C1orf105: variants seen among roughly 807,000 people sequenced by gnomAD.
C1orf105 encodes the protein uncharacterized protein C1orf105.
C1orf105 carries 17 observed loss-of-function variants against 20.8 expected under a neutral mutation model. The ratio of observed to expected loss-of-function variants is 0.82; its 90% CI spans 0.56 to 1.23. The LOEUF (loss-of-function observed/expected upper bound fraction) is 1.23, where lower values mean the gene tolerates loss of function less well. Among genes scored for constraint, C1orf105 ranks in the 50% most tolerant of loss-of-function variants. The probability of loss-of-function intolerance (pLI) is 0.00; values close to 1 mark genes in which losing one functional copy is unlikely to be tolerated. For synonymous variants in C1orf105, 72 were observed against 72.1 expected (o/e 1.00, Z 0.01); for missense variants, 219 against 213.5 (o/e 1.03, Z -0.16).
intron 1 of C1orf105, chr1:172,441,349 CT>C (rs1558131197): frequency 3.1e-5 from 4 of 128,338 alleles, no homozygotes; most frequent in Non-Finnish European, 5.9e-5. Context: ...AAAGAAGTGA[CT>C]TTACACACAC....
rs1486275877 is a variant in C1orf105 at position 172,420,911 on chromosome 1, G to A, written c.21+5G>A. ...ATGGAAAAAAGAGAACTAAAGGTAG[G>A]AAAAAAATAAATGAAACTTCCAATT... On this transcript the variant is annotated splice_donor_5th_base_variant and intron_variant, in intron 1 of 6. Coordinates refer to ENST00000367727, the MANE Select transcript of C1orf105 (RefSeq NM_139240.4). 1 of 1,607,056 alleles carries A rather than the reference G, an allele frequency of 6.2e-7. No homozygotes were observed. Among genetic ancestry groups the A allele is most frequent in the Admixed American group, 1.7e-5 (1 of 59,724 alleles).
At chr1:172,429,715 C>T (rs1307461733) in intron 1 of C1orf105, among the ~76,000 whole-genome samples, 1 of 152,228 alleles carries the variant, frequency 6.6e-6, no homozygotes, top group African/African-American at 2.4e-5. Context: ...CAAAAGTTTA[C>T]TGACACCAAT....
Position 172,468,555 on chromosome 1 carries a change from G to C in C1orf105, c.513G>C (p.Leu171Phe). 6.2e-7 allele frequency: 1 copy of C among 1,613,870 alleles called. No homozygotes were observed. Among genetic ancestry groups the C allele is most frequent in the Non-Finnish European group, 8.5e-7 (1 of 1,179,854 alleles). Reference sequence around the variant, plus strand: ...TAAAAGAGAGACAACGTTCTTCCTTGCCCAGAAAGGAACCAATAGGCAAGA... The same window carrying C: ...TAAAAGAGAGACAACGTTCTTCCTTCCCCAGAAAGGAACCAATAGGCAAGA... ...KTLKERQRSS[L>F]PRKEPIGKTT... The change falls in exon 7 of 7, where the codon TTG becomes TTC. Residue 171 changes from leucine to phenylalanine, a missense_variant. By Grantham distance (22) the Leu-to-Phe change is conservative. Coordinates refer to ENST00000367727, the MANE Select transcript of C1orf105 (RefSeq NM_139240.4).
In C1orf105 at chr1:172,468,490, G is replaced by T; in HGVS notation, c.448G>T (p.Ala150Ser). 6.2e-7 allele frequency: 1 copy of T among 1,613,892 alleles called. No homozygotes were observed. Among genetic ancestry groups the T allele is most frequent in the Non-Finnish European group, 8.5e-7 (1 of 1,179,826 alleles). The part of the protein sequence containing the change: ...YRLPILGPRT[A>S]VFHGLLTEAY... ...ACTGCCCATTCTGGGCCCCAGGACAGCTGTCTTCCACGGATTACTGACAGA... is the reference window on the plus strand; with the variant it reads ...ACTGCCCATTCTGGGCCCCAGGACATCTGTCTTCCACGGATTACTGACAGA... Residue 150 changes from alanine (A) to serine (S), a missense_variant, in exon 7 of 7, where the codon GCT becomes TCT. Coordinates refer to ENST00000367727, the MANE Select transcript of C1orf105 (RefSeq NM_139240.4).
chr1:172,421,519 A>C (rs1001334705), intron 1 of C1orf105, among the ~76,000 whole-genome samples: 1 of 152,208 alleles, frequency 6.6e-6, no homozygotes, highest in Non-Finnish European at 1.5e-5. Context: ...TTGTAAGTCA[A>C]AAATGCATGC....
intron 3 of C1orf105, chr1:172,453,103 C>A (rs760058084): frequency 1.3e-6 from 2 of 1,550,892 alleles, no homozygotes; most frequent in African/African-American, 2.7e-5. Flanking sequence ...CTGCCTTCCA[C>A]GACTCTTCAA....
rs371879453 is a variant in C1orf105, at chr1:172,468,571, A to G, written c.529A>G (p.Ile177Val). 2.0e-5 allele frequency: 32 copies of G among 1,613,756 alleles called. No individual in the cohort carries two copies. In the South Asian group the frequency reaches 3.2e-4, roughly 16 times the overall value. Reference sequence around the variant, plus strand: ...TTCTTCCTTGCCCAGAAAGGAACCAATAGGCAAGACAACGAGGCAGTGAGC... The same window carrying G: ...TTCTTCCTTGCCCAGAAAGGAACCAGTAGGCAAGACAACGAGGCAGTGAGC... ...QRSSLPRKEP[I>V]GKTTRQ The change falls in exon 7 of 7, where the codon ATA (isoleucine) becomes GTA (valine). Residue 177 changes from isoleucine (I) to valine (V), a missense_variant. Ile to Val is a conservative substitution (Grantham distance 29). Coordinates refer to ENST00000367727, the MANE Select transcript of C1orf105 (RefSeq NM_139240.4).
Position 172,456,505 on chromosome 1 carries a change from G to A in C1orf105, c.273+16G>A, listed in dbSNP as rs553763096. On this transcript the variant is annotated intron_variant, in intron 4 of 6. Coordinates refer to ENST00000367727, the MANE Select transcript of C1orf105 (RefSeq NM_139240.4). ...AATGAAAATGGTAGGCAAGGGGGAA[G>A]ACAGAAATGGGCACAGGCATCTCAG... 1.9e-6 allele frequency: 3 copies of A among 1,610,312 alleles called. No individual in the cohort carries two copies. Among genetic ancestry groups the A allele is most frequent in the Non-Finnish European group, 2.5e-6 (3 of 1,178,230 alleles).
chr1:172,468,661 A>G lies in C1orf105; in HGVS notation c.*67A>G, dbSNP rs1231101744. The G allele has an allele frequency of 3.3e-6, 5 of 1,492,942 alleles. No individual in the cohort carries two copies. The East Asian group carries it at 1.1e-4, about 34-fold the overall frequency. 92.5% of individuals were successfully genotyped at this position (1,492,942 alleles called of 1,614,324 possible). ...TAACCTCGCCAAGCCAATCTTTGAC[A>G]CTGGCACCTTCTCCTCACAATTTTC... On this transcript the variant is annotated 3_prime_UTR_variant, in exon 7 of 7. Coordinates refer to ENST00000367727, the MANE Select transcript of C1orf105 (RefSeq NM_139240.4).
chr1:172,425,637 GC>G (rs1277820333), intron 1 of C1orf105, among the ~76,000 whole-genome samples: 1 of 152,032 alleles, frequency 6.6e-6, no homozygotes, highest in Admixed American at 6.6e-5. Context: ...TGATCACTTT[GC>G]CCAAAATCAA....
At chr1:172,423,999 G>GCTA in intron 1 of C1orf105, among the ~76,000 whole-genome samples, 1 of 152,290 alleles carries the variant, frequency 6.6e-6, no homozygotes, top group African/African-American at 2.4e-5. Context: ...TGTTTTTGAT[G>GCTA]CTACAAGTTA....
intron 1 of C1orf105, among the ~76,000 whole-genome samples, chr1:172,424,094 C>T (rs2071660913): frequency 2.0e-5 from 3 of 152,188 alleles, no homozygotes; most frequent in Non-Finnish European, 4.4e-5. Context: ...ACTCCTACTC[C>T]CATCCTCGGT....
chr1:172,437,364 T>C (rs2072070807), intron 1 of C1orf105, among the ~76,000 whole-genome samples: 1 of 152,010 alleles, frequency 6.6e-6, no homozygotes, highest in Admixed American at 6.6e-5. Flanking sequence ...GACTGGATTA[T>C]GAAAATGTGG....
intron 1 of C1orf105, among the ~76,000 whole-genome samples, chr1:172,430,849 A>G (rs2071853016): frequency 7.1e-6 from 1 of 140,052 alleles, no homozygotes. Context: ...CCTGTGTCAC[A>G]TTTTGGTAAT....
chr1:172,452,356 G>C (rs1648747110), intron 3 of C1orf105, among the ~76,000 whole-genome samples: 1 of 152,180 alleles, frequency 6.6e-6, no homozygotes, highest in Non-Finnish European at 1.5e-5. Flanking sequence ...GTCTCTCTCA[G>C]TTAAGTTACA....
intron 1 of C1orf105, among the ~76,000 whole-genome samples, chr1:172,429,087 T>C (rs768954803): frequency 2.6e-4 from 39 of 152,242 alleles, no homozygotes; most frequent in Non-Finnish European, 5.1e-4. Flanking sequence ...ACAGGCTTTG[T>C]GTAAGAAAAG....
intron 6 of C1orf105, among the ~76,000 whole-genome samples, chr1:172,468,052 T>C (rs1005327436): frequency 2.6e-5 from 4 of 152,196 alleles, no homozygotes; most frequent in Non-Finnish European, 4.4e-5. Context: ...TATGTGTCCC[T>C]GAAAAGTCTC....
At chr1:172,424,123 T>C (rs2071661623) in intron 1 of C1orf105, among the ~76,000 whole-genome samples, 1 of 152,208 alleles carries the variant, frequency 6.6e-6, no homozygotes, top group Non-Finnish European at 1.5e-5. Flanking sequence ...AAATCAAGTT[T>C]TATCATACAT....
chr1:172,445,961 CT>C lies in C1orf105; in HGVS notation c.107+804del, dbSNP rs202003796. ...GACTCCCCAAAAAGAGTTTCTCCTC[CT>C]GTTGATAACTACCATGTACCCTCCT... On this transcript the variant is annotated intron_variant, in intron 2 of 6. Transcript: ENST00000367727. Among the ~76,000 whole-genome samples the C allele has an allele frequency of 5.4e-3, 828 of 152,296 alleles. 5 individuals are homozygous for C. Among genetic ancestry groups the C allele is most frequent in the Non-Finnish European group, 9.1e-3 (620 of 68,020 alleles).
Sources: gnomAD v4.1 joint callset for allele counts (sites outside exome capture counted in the v4.1 genomes callset) on GRCh38, gnomAD v4.1.1 for gene constraint, MANE v1.5 for transcripts, NCBI Gene and HGNC (gene_info 2026-07-23, HGNC 2026-07-21) for gene names.